PPFIA1: variants seen among roughly 807,000 people sequenced by gnomAD.
The protein encoded by PPFIA1 is PPFI scaffold protein A1.
In PPFIA1, 25 loss-of-function variants were observed where a neutral mutation model predicts 149.9. The ratio of observed to expected loss-of-function variants is 0.17; its 90% CI spans 0.12 to 0.23. The LOEUF (loss-of-function observed/expected upper bound fraction) is 0.23. PPFIA1 is among the 10% of genes least tolerant of loss of function. The pLI is 1.00. For missense variants in PPFIA1, 1,362 were observed against 1,506.5 expected (o/e 0.90, Z 1.59); for synonymous variants, 549 against 552.8 (o/e 0.99, Z 0.10).
chr11:70,372,774 C>T (rs1190937116), intron 23 of PPFIA1, among the ~76,000 whole-genome samples, 200 bp downstream of exon 23: 1 of 152,172 alleles, frequency 6.6e-6, no homozygotes, highest in Non-Finnish European at 1.5e-5. Flanking sequence ...AGAACTGTTC[C>T]CTGTGTTCTC....
chr11:70,376,795 G>A (rs113684995), intron 25 of PPFIA1, among the ~76,000 whole-genome samples, 195 bp downstream of exon 25: 2 of 152,320 alleles, frequency 1.3e-5, no homozygotes, highest in African/African-American at 4.8e-5. Context: ...ACCTGGGCCG[G>A]GCACGGCGGC....
chr11:70,292,713 A>G (rs2051619528), intron 2 of PPFIA1, among the ~76,000 whole-genome samples: 1 of 152,158 alleles, frequency 6.6e-6, no homozygotes, highest in Middle Eastern at 3.2e-3. Context: ...AAAGCAGGAC[A>G]CTGTTATGAC....
chr11:70,336,460 C>T (rs1190286267), intron 11 of PPFIA1, among the ~76,000 whole-genome samples: 1 of 150,034 alleles, frequency 6.7e-6, no homozygotes, highest in African/African-American at 2.5e-5. Context: ...CAAGATTGCG[C>T]CACTGTACTT....
chr11:70,281,999 A>G (rs1221138762), intron 2 of PPFIA1, among the ~76,000 whole-genome samples: 1 of 150,152 alleles, frequency 6.7e-6, no homozygotes, highest in Non-Finnish European at 1.5e-5. Context: ...AGCATACAGA[A>G]CCCACTCACC....
At chr11:70,315,678 GTTTTT>G (rs71049904) in intron 2 of PPFIA1, among the ~76,000 whole-genome samples, 5 of 73,020 alleles carry the variant, frequency 6.8e-5, no homozygotes, top group African/African-American at 1.1e-4. Flanking sequence ...CTTTTTTTCT[GTTTTT>G]TTTTTTTTTT....
In PPFIA1 at chr11:70,272,321, T is replaced by C. The variant is rs755855153; in HGVS notation, c.149T>C (p.Leu50Pro). The stretch of plus-strand genomic sequence containing the variant: ...TCCATGCTAGAAGAAAGGGACCGCC[T>C]TCTTGATACACTGAGAGAGACTCAA... ...MVSMLEERDR[L>P]LDTLRETQET... is the part of the protein sequence containing the mutation. The change falls in exon 2 of 28, where the codon CTT becomes CCT. Residue 50 changes from leucine to proline, a missense_variant. Leu to Pro is a moderately conservative substitution (Grantham distance 98). Transcript: ENST00000253925. 1.2e-6 allele frequency: 2 copies of C among 1,614,090 alleles called. No individual in the cohort carries two copies. Among genetic ancestry groups the C allele is most frequent in the Admixed American group, 1.7e-5 (1 of 59,998 alleles).
At position 70,270,896 on chromosome 11, in the gene PPFIA1, G is replaced by T. The variant is rs903109978; in HGVS notation, c.-19G>T. ...GAGCCGCCGCGGAGCCTCCTCGCCCGCTCCCGCCGGCGAGCAAGGTAAGGG... is the reference window on the plus strand; with the variant it reads ...GAGCCGCCGCGGAGCCTCCTCGCCCTCTCCCGCCGGCGAGCAAGGTAAGGG... On this transcript the variant is annotated 5_prime_UTR_variant, in exon 1 of 28. Transcript: ENST00000253925. 9.3e-5 allele frequency: 14 copies of T among 150,978 alleles called. No homozygotes were observed. Among genetic ancestry groups the T allele is most frequent in the Non-Finnish European group, 1.5e-4 (10 of 67,610 alleles). The allele number at this position is 150,978 out of a possible 1,614,324, so 9.4% of individuals were successfully genotyped here.
intron 26 of PPFIA1, among the ~76,000 whole-genome samples, chr11:70,380,495 T>G (rs1248705859): frequency 6.6e-6 from 1 of 151,846 alleles, no homozygotes; most frequent in African/African-American, 2.4e-5. Flanking sequence ...GAGAATGGCA[T>G]GAACCCAGGA....
intron 27 of PPFIA1, 132 bp downstream of exon 27, chr11:70,382,290 G>C: frequency 1.7e-6 from 1 of 588,908 alleles, no homozygotes; most frequent in East Asian, 2.8e-5. Context: ...AATATATATA[G>C]ACACAAGCTC....
chr11:70,329,914 G>T, intron 7 of PPFIA1: 1 of 378,492 alleles, frequency 2.6e-6, no homozygotes, highest in Non-Finnish European at 4.7e-6. Flanking sequence ...GGTGATAGAG[G>T]GAGACTCTGA....
intron 26 of PPFIA1, among the ~76,000 whole-genome samples, chr11:70,379,996 G>A (rs1165110094): frequency 6.6e-6 from 1 of 152,214 alleles, no homozygotes; most frequent in Non-Finnish European, 1.5e-5. Flanking sequence ...GTCACCTGGA[G>A]TCCACGAGTG....
chr11:70,380,555 C>T (rs952268798), intron 26 of PPFIA1, among the ~76,000 whole-genome samples: 2 of 151,840 alleles, frequency 1.3e-5, no homozygotes, highest in African/African-American at 2.4e-5. Flanking sequence ...CCAGCCTGGG[C>T]GACAGAGCAG....
chr11:70,329,445 T>C (rs1264548503), intron 7 of PPFIA1, among the ~76,000 whole-genome samples: 2 of 152,084 alleles, frequency 1.3e-5, no homozygotes, highest in African/African-American at 2.4e-5. Context: ...GAGGACATTA[T>C]TATTTATTTA....
At chr11:70,283,189 C>G (rs2050885042) in intron 2 of PPFIA1, among the ~76,000 whole-genome samples, 1 of 151,214 alleles carries the variant, frequency 6.6e-6, no homozygotes, top group Admixed American at 6.6e-5. Context: ...TGCCTTTGGG[C>G]TTCTCTCTAA....
At chr11:70,311,493 T>G (rs150581787) in intron 2 of PPFIA1, among the ~76,000 whole-genome samples, 1 of 152,280 alleles carries the variant, frequency 6.6e-6, no homozygotes, top group African/African-American at 2.4e-5. Context: ...AGATATTAAG[T>G]AACTTTATTT....
rs566491745 is a variant in PPFIA1, at chr11:70,340,557, G to A, written c.1707+1251G>A. Among the ~76,000 whole-genome samples, 5 of 152,210 alleles carry A rather than the reference G, an allele frequency of 3.3e-5. No individual in the cohort carries two copies. In the South Asian group the frequency reaches 1.0e-3, roughly 32 times the overall value. On this transcript the variant is annotated intron_variant, in intron 14 of 27. Coordinates refer to ENST00000253925, the MANE Select transcript of PPFIA1 (RefSeq NM_003626.5). The stretch of plus-strand genomic sequence containing the variant: ...TTCAGCAGCATTTGTTTCAATACAC[G>A]CAAGTATAATTTTAGCCCCCATCGT...
intron 16 of PPFIA1, 145 bp from the exon 17 acceptor site, chr11:70,354,156 A>G: frequency 2.4e-6 from 2 of 843,388 alleles, no homozygotes; most frequent in Non-Finnish European, 3.6e-6. Flanking sequence ...GTGGCCCTTC[A>G]GAATGGTGCC....
intron 21 of PPFIA1, among the ~76,000 whole-genome samples, chr11:70,366,831 C>G (rs1298751669): frequency 6.6e-6 from 1 of 152,120 alleles, no homozygotes; most frequent in African/African-American, 2.4e-5. Flanking sequence ...TAGACTGTCC[C>G]CCCACCTTTT....
intron 14 of PPFIA1, among the ~76,000 whole-genome samples, chr11:70,340,253 G>T (rs2055242700): frequency 1.3e-5 from 2 of 152,190 alleles, no homozygotes; most frequent in Admixed American, 6.5e-5. Flanking sequence ...ACCAGCCTGG[G>T]CATCATAGTA....
Sources: allele counts gnomAD v4.1 joint callset (sites outside exome capture counted in the v4.1 genomes callset), GRCh38; gene constraint gnomAD v4.1.1; transcripts MANE v1.5; gene names NCBI Gene and HGNC (gene_info 2026-07-23, HGNC 2026-07-21).